Variants in TTC34 observed in about 807,000 individuals in gnomAD.
TTC34 encodes tetratricopeptide repeat protein 34.
Under a neutral mutation model 40.7 loss-of-function variants are expected in TTC34, and 44 were observed. The observed-to-expected ratio is 1.08, with a 90% confidence interval of 0.85 to 1.39. The LOEUF (loss-of-function observed/expected upper bound fraction) is 1.39, where lower values mean the gene tolerates loss of function less well. Among genes scored for constraint, TTC34 ranks in the 40% most tolerant of loss-of-function variants. The probability of loss-of-function intolerance (pLI) is 0.00; values close to 1 mark genes in which losing one functional copy is unlikely to be tolerated. For missense variants in TTC34, 884 were observed against 838.0 expected (o/e 1.05, Z -0.68); for synonymous variants, 422 against 398.6 (o/e 1.06, Z -0.70).
intron 6 of TTC34, among the ~76,000 whole-genome samples, chr1:2,771,333 C>T (rs1359587205): frequency 1.5e-5 from 1 of 68,696 alleles, no homozygotes; most frequent in African/African-American, 1.2e-4. Context: ...TCCAGGTGAG[C>T]ATCTGACAGC....
intron 5 of TTC34, 132 bp from the exon 6 acceptor site, chr1:2,783,907 G>A: frequency 1.2e-6 from 1 of 823,358 alleles, no homozygotes; most frequent in Non-Finnish European, 1.7e-6. Context: ...ACAGGCCACT[G>A]GGCACCAAGA....
chr1:2,688,405 C>T (rs1640471434), intron 6 of TTC34, among the ~76,000 whole-genome samples: 1 of 151,428 alleles, frequency 6.6e-6, no homozygotes, highest in Non-Finnish European at 1.5e-5. Context: ...GAACAGCACC[C>T]ACACCCCCAG....
At chr1:2,786,350 G>A (rs922973472) in intron 4 of TTC34, among the ~76,000 whole-genome samples, 4 of 152,244 alleles carry the variant, frequency 2.6e-5, no homozygotes, top group East Asian at 3.9e-4. Context: ...GAGGTTGGCC[G>A]TGTGTTGCGA....
At chr1:2,752,417 G>A (rs1178992698) in intron 6 of TTC34, among the ~76,000 whole-genome samples, 6 of 144,826 alleles carry the variant, frequency 4.1e-5, no homozygotes, top group African/African-American at 1.1e-4. Flanking sequence ...ACACACCCAG[G>A]TGAGCATCTG....
At position 2,749,327 on chromosome 1, in the gene TTC34, AG is replaced by A. The variant is rs1354336243; in HGVS notation, c.2226+34281del. On this transcript the variant is annotated intron_variant, in intron 6 of 8. Transcript: ENST00000401095. ...AGTCTGGAACAGAACCCACACCCAC[AG>A]GTGAGCATCTGACAGACTGGAACAG... Among the ~76,000 whole-genome samples the A allele has an allele frequency of 4.9e-5, 4 of 82,350 alleles. 2 individuals carry two copies. Among genetic ancestry groups the A allele is most frequent in the African/African-American group, 3.7e-4 (4 of 10,928 alleles). 54.0% of individuals were successfully genotyped at this position (82,350 alleles called of 152,430 possible).
At chr1:2,655,264 C>A (rs1639303566) in intron 6 of TTC34, among the ~76,000 whole-genome samples, 1 of 76,868 alleles carries the variant, frequency 1.3e-5, no homozygotes, top group African/African-American at 4.6e-5. Context: ...CCCCAGTGAG[C>A]ATCTGACAGC....
chr1:2,694,521 C>A (rs1640772056), intron 6 of TTC34, among the ~76,000 whole-genome samples: 1 of 103,898 alleles, frequency 9.6e-6, no homozygotes, highest in Admixed American at 8.6e-5. Context: ...CCCAGGTGAA[C>A]ATCCGACATC....
intron 6 of TTC34, among the ~76,000 whole-genome samples, chr1:2,777,989 G>A (rs1174418143): frequency 1.3e-5 from 2 of 152,324 alleles, no homozygotes; most frequent in South Asian, 2.1e-4. Flanking sequence ...GTGCAGGAAA[G>A]TCTGTCCAGT....
chr1:2,675,842 AC>A (rs1231523571), intron 6 of TTC34, among the ~76,000 whole-genome samples: 10 of 35,732 alleles, frequency 2.8e-4, no homozygotes, highest in South Asian at 1.4e-3. Context: ...CAGAACCCAC[AC>A]CCCCAGGTGA....
chr1:2,788,291 G>T (rs1312466416), intron 3 of TTC34, among the ~76,000 whole-genome samples: 5 of 143,666 alleles, frequency 3.5e-5, no homozygotes, highest in African/African-American at 1.5e-4. Context: ...GTTGTGTGTT[G>T]TGTGTGTGTT....
rs1303046272 is a variant in TTC34 at position 2,685,057 on chromosome 1, A to C, written c.2227-39494T>G. 8.4e-5 allele frequency among the ~76,000 whole-genome samples: 12 copies of C among 142,702 alleles called. 2 individuals carry two copies. Among genetic ancestry groups the C allele is most frequent in the African/African-American group, 3.4e-4 (12 of 35,478 alleles). The allele number at this position is 142,702 out of a possible 152,430, so 93.6% of individuals were successfully genotyped here. On this transcript the variant is annotated intron_variant, in intron 6 of 8. Transcript: ENST00000401095. ...CCACACCCACAGGTGAGCATCTGAC[A>C]GCCTGGAACAGCAGCCTGCACCCCC... is the stretch of plus-strand genomic sequence containing the variant.
chr1:2,697,682 T>TG (rs1640930894), intron 6 of TTC34, among the ~76,000 whole-genome samples: 2 of 67,714 alleles, frequency 3.0e-5, no homozygotes, highest in Admixed American at 2.0e-4. Context: ...AATGGCATCC[T>TG]CACCTCCAGG....
intron 3 of TTC34, among the ~76,000 whole-genome samples, chr1:2,788,344 TTGTGTGTGG>T (rs751669405): frequency 1.9e-4 from 28 of 150,676 alleles, no homozygotes; most frequent in Non-Finnish European, 3.4e-4. Flanking sequence ...TACATGTGTG[TTGTGTGTGG>T]TGTGTGTGTT....
At chr1:2,754,765 A>G (rs1641447791) in intron 6 of TTC34, among the ~76,000 whole-genome samples, 1 of 151,288 alleles carries the variant, frequency 6.6e-6, no homozygotes, top group African/African-American at 2.4e-5. Context: ...GATGGTCTGG[A>G]GCAGCACCCA....
At chr1:2,789,914 G>A (rs1018565959) in exon 3 of TTC34, 1 of 395,474 alleles carries the variant, frequency 2.5e-6, no homozygotes, top group African/African-American at 2.1e-5. Context: ...GTCCCCCGCA[G>A]GGTCCTCAGG....
At chr1:2,787,318 G>A (rs1023313608) in intron 4 of TTC34, among the ~76,000 whole-genome samples, 163 bp downstream of exon 4, 8 of 152,362 alleles carry the variant, frequency 5.3e-5, no homozygotes, top group African/African-American at 1.9e-4. Flanking sequence ...CTGAGGGTCA[G>A]GTAGGTGAGG....
intron 6 of TTC34, among the ~76,000 whole-genome samples, chr1:2,750,138 C>T (rs1641267218): frequency 1.3e-5 from 2 of 150,480 alleles, no homozygotes; most frequent in Admixed American, 6.6e-5. Context: ...AGGTGAGCAT[C>T]CGACAGCGTG....
chr1:2,651,816 C>A (rs1445973305), intron 6 of TTC34, among the ~76,000 whole-genome samples: 1 of 152,018 alleles, frequency 6.6e-6, no homozygotes, highest in Non-Finnish European at 1.5e-5. Flanking sequence ...ACCAGGTGAT[C>A]ATCGGACAGC....
At chr1:2,800,299 G>C in exon 2 of TTC34, 1 of 398,656 alleles carries the variant, frequency 2.5e-6, no homozygotes, top group Non-Finnish European at 4.4e-6. Flanking sequence ...TGGTGGGTGC[G>C]AATGAAAGCT....
Sources: allele counts gnomAD v4.1 joint callset (sites outside exome capture counted in the v4.1 genomes callset), GRCh38; gene constraint gnomAD v4.1.1; transcripts MANE v1.5; gene names NCBI Gene and HGNC (gene_info 2026-07-23, HGNC 2026-07-21).